The following NOSTRIN variants were observed in gnomAD, a reference collection of about 807,000 sequenced individuals.
NOSTRIN encodes BM247 homolog.
In NOSTRIN, 63 loss-of-function variants were observed where a neutral mutation model predicts 59.0. That is an observed-to-expected ratio of 1.07 (90% CI 0.87 to 1.32). NOSTRIN has a LOEUF of 1.32. Ranked by LOEUF, NOSTRIN falls within the 40% of genes most tolerant of loss-of-function variation. NOSTRIN has a pLI of 0.00. For synonymous variants in NOSTRIN, 200 were observed against 165.4 expected, an observed-to-expected ratio of 1.21 and a Z score of -1.61; for missense variants, 512 against 473.1, an observed-to-expected ratio of 1.08 and a Z score of -0.76.
chr2:168,863,903 C>G (rs192131003), intron 15 of NOSTRIN, among the ~76,000 whole-genome samples: 1 of 151,810 alleles, frequency 6.6e-6, no homozygotes, highest in African/African-American at 2.4e-5. Context: ...TATGATCCAA[C>G]GTGATCTTTT....
chr2:168,804,498 G>C (rs1472164294), intron 1 of NOSTRIN, among the ~76,000 whole-genome samples: 2 of 152,068 alleles, frequency 1.3e-5, no homozygotes, highest in African/African-American at 4.8e-5. Flanking sequence ...CTTGTACTTG[G>C]GGAACAATGC....
At chr2:168,803,651 G>T (rs1288567266) in intron 1 of NOSTRIN, among the ~76,000 whole-genome samples, 1 of 152,176 alleles carries the variant, frequency 6.6e-6, no homozygotes, top group Non-Finnish European at 1.5e-5. Context: ...ACTCATAAAT[G>T]ACTAGTAATT....
intron 7 of NOSTRIN, among the ~76,000 whole-genome samples, chr2:168,837,950 A>T (rs1260794145): frequency 1.3e-5 from 2 of 152,010 alleles, no homozygotes; most frequent in Non-Finnish European, 2.9e-5. Flanking sequence ...ATCTTTATAT[A>T]TTGCAGTTTC....
chr2:168,802,655 C>T lies in NOSTRIN; in HGVS notation c.9C>T (p.Asp3=), dbSNP rs1350511020. The T allele has an allele frequency of 1.0e-5, 9 of 869,506 alleles. No homozygotes were observed. Among genetic ancestry groups the T allele is most frequent in the East Asian group, 4.8e-5 (2 of 41,670 alleles). 53.9% of individuals were successfully genotyped at this position (869,506 alleles called of 1,614,324 possible). A position where few individuals can be genotyped will look rare whatever the true frequency, so the allele number is the denominator to read the frequency against. The change falls in exon 1 of 16, where the codon GAC becomes GAT. Residue 3 remains aspartate (D), a synonymous_variant. Transcript: ENST00000317647. ...GCCAGACACATTTCAACATGAGGGA[C>T]CCACTGACAGATTGTCCGGTGAGTA... MR[D]PLTDCPYNKV...
At chr2:168,801,855 G>C (rs1035653801), upstream of NOSTRIN, among the ~76,000 whole-genome samples, 1 of 152,214 alleles carries the variant, frequency 6.6e-6, no homozygotes, top group Non-Finnish European at 1.5e-5. Context: ...AATGAGGCCA[G>C]ATCTAGGCAA....
At chr2:168,834,512 C>CAA (rs774771395) in intron 7 of NOSTRIN, among the ~76,000 whole-genome samples, 187 bp downstream of exon 7, 1 of 116,110 alleles carries the variant, frequency 8.6e-6, no homozygotes, top group Middle Eastern at 4.6e-3. Flanking sequence ...CGCGCGCACA[C>CAA]ACACACACAC....
At chr2:168,834,490 T>TGA (rs1164368476) in intron 7 of NOSTRIN, among the ~76,000 whole-genome samples, 165 bp downstream of exon 7, 1 of 87,558 alleles carries the variant, frequency 1.1e-5, no homozygotes, top group Non-Finnish European at 2.2e-5. Flanking sequence ...ATTACTGGCG[T>TGA]GCGCGCGCGC....
intron 7 of NOSTRIN, among the ~76,000 whole-genome samples, chr2:168,841,097 A>G (rs1688068370): frequency 6.6e-6 from 1 of 151,960 alleles, no homozygotes; most frequent in South Asian, 2.1e-4. Context: ...TGCAAAAAAT[A>G]TAAAAACTAG....
chr2:168,804,570 G>T (rs1685749102), intron 1 of NOSTRIN, among the ~76,000 whole-genome samples: 1 of 152,190 alleles, frequency 6.6e-6, no homozygotes, highest in African/African-American at 2.4e-5. Flanking sequence ...TTGCAAATGA[G>T]TGCCTCATGA....
At chr2:168,848,516 T>G (rs1484991765) in intron 8 of NOSTRIN, among the ~76,000 whole-genome samples, 13 of 152,194 alleles carry the variant, frequency 8.5e-5, no homozygotes, top group Admixed American at 8.5e-4. Context: ...TGCCTGAGCC[T>G]TTTACTACTT....
intron 2 of NOSTRIN, among the ~76,000 whole-genome samples, chr2:168,821,513 T>A (rs1451630019): frequency 6.6e-6 from 1 of 152,226 alleles, no homozygotes; most frequent in African/African-American, 2.4e-5. Context: ...GATATAGCAA[T>A]GAACAAAGCC....
chr2:168,845,846 A>C (rs1231711062), intron 8 of NOSTRIN, among the ~76,000 whole-genome samples: 1 of 145,000 alleles, frequency 6.9e-6, no homozygotes, highest in East Asian at 2.0e-4. Flanking sequence ...ACTCATCATA[A>C]TGTCCTTGAG....
At chr2:168,805,984 G>A (rs1289779739) in intron 1 of NOSTRIN, among the ~76,000 whole-genome samples, 4 of 152,176 alleles carry the variant, frequency 2.6e-5, no homozygotes, top group African/African-American at 9.7e-5. Flanking sequence ...TGTGTGTAAA[G>A]TAAAAGGAGG....
chr2:168,811,143 A>T (rs980439179), intron 1 of NOSTRIN, among the ~76,000 whole-genome samples: 1 of 152,164 alleles, frequency 6.6e-6, no homozygotes, highest in Admixed American at 6.5e-5. Context: ...GCTCACTCTA[A>T]TGGCTCATGG....
At chr2:168,821,231 G>A (rs1686716754) in intron 2 of NOSTRIN, among the ~76,000 whole-genome samples, 1 of 152,212 alleles carries the variant, frequency 6.6e-6, no homozygotes, top group Admixed American at 6.5e-5. Flanking sequence ...AGCTTTCCTG[G>A]ACTCAGAAGG....
chr2:168,820,956 C>A (rs1233123707), intron 2 of NOSTRIN, among the ~76,000 whole-genome samples: 1 of 152,186 alleles, frequency 6.6e-6, no homozygotes, highest in African/African-American at 2.4e-5. Context: ...ACAGTGTTAC[C>A]TTTCCTGTTA....
Position 168,855,978 on chromosome 2 carries a change from T to C in NOSTRIN, c.964+518T>C, listed in dbSNP as rs1250521913. The C allele has an allele frequency of 7.0e-6, 3 of 429,800 alleles. No individual in the cohort carries two copies. The Admixed American group carries it at 8.7e-5, about 12-fold the overall frequency. 26.6% of individuals were successfully genotyped at this position (429,800 alleles called of 1,614,324 possible). ...GTGACTCTGATGTCTACCTAGTAAC[T>C]TGTTTTATATGGACCACGATAACTC... On this transcript the variant is annotated intron_variant, in intron 11 of 15. Coordinates refer to ENST00000317647, the MANE Select transcript of NOSTRIN (RefSeq NM_001039724.4).
At chr2:168,827,878 C>T (rs975053217) in intron 3 of NOSTRIN, among the ~76,000 whole-genome samples, 2 of 151,928 alleles carry the variant, frequency 1.3e-5, no homozygotes, top group Non-Finnish European at 2.9e-5. Context: ...GAGGCAGTGC[C>T]ACCACACCTG....
intron 2 of NOSTRIN, among the ~76,000 whole-genome samples, chr2:168,817,545 C>T (rs948083981): frequency 6.5e-5 from 6 of 91,930 alleles, no homozygotes; most frequent in African/African-American, 2.6e-4. Context: ...TGGAAAACTG[C>T]CTTTCTTGTC....
Sources: allele counts gnomAD v4.1 joint callset (sites outside exome capture counted in the v4.1 genomes callset), GRCh38; gene constraint gnomAD v4.1.1; transcripts MANE v1.5; gene names NCBI Gene and HGNC (gene_info 2026-07-23, HGNC 2026-07-21).